The following MBTD1 variants were observed in gnomAD, a reference collection of about 807,000 sequenced individuals.
The protein encoded by MBTD1 is mbt domain containing 1.
In MBTD1, 24 loss-of-function variants were observed where a neutral mutation model predicts 87.8. The observed-to-expected ratio is 0.27, with a 90% CI of 0.20 to 0.38. The LOEUF (loss-of-function observed/expected upper bound fraction) is 0.38, where lower values mean the gene tolerates loss of function less well. MBTD1 is among the 10% of genes least tolerant of loss of function. The probability of loss-of-function intolerance (pLI) is 1.00; values close to 1 mark genes in which losing one functional copy is unlikely to be tolerated. For synonymous variants in MBTD1, 237 were observed against 248.6 expected (o/e 0.95, Z 0.44); for missense variants, 436 against 760.2 (o/e 0.57, Z 5.02).
chr17:51,256,993 C>T (rs2055128158), intron 2 of MBTD1, among the ~76,000 whole-genome samples: 1 of 152,088 alleles, frequency 6.6e-6, no homozygotes, highest in African/African-American at 2.4e-5. Flanking sequence ...TCCTTTTCAC[C>T]TTTTATTGTG....
chr17:51,244,609 T>C (rs2144085065), intron 2 of MBTD1, among the ~76,000 whole-genome samples: 1 of 152,294 alleles, frequency 6.6e-6, no homozygotes, highest in Non-Finnish European at 1.5e-5. Flanking sequence ...GGTTTCACCA[T>C]ATTGACCAGG....
chr17:51,226,333 T>C (rs984314237), intron 2 of MBTD1, among the ~76,000 whole-genome samples: 3 of 151,158 alleles, frequency 2.0e-5, no homozygotes, highest in African/African-American at 7.3e-5. Context: ...CTGGGCAACA[T>C]GACGAAACCC....
chr17:51,252,661 G>C (rs1482023372), intron 2 of MBTD1, among the ~76,000 whole-genome samples: 1 of 151,938 alleles, frequency 6.6e-6, no homozygotes, highest in Non-Finnish European at 1.5e-5. Context: ...TTGAACCCGG[G>C]AGGCGAAGGT....
rs879189058 is a variant in MBTD1, at chr17:51,195,344, G to A, written c.1242C>T (p.Phe414=). Residue 414 remains phenylalanine, a synonymous_variant, in exon 13 of 17, where the codon TTC becomes TTT. Coordinates refer to ENST00000586178, the MANE Select transcript of MBTD1 (RefSeq NM_017643.3). ...CTGAGCCATCGATCCCAATCATCAG[G>A]AATCCGTCAGCTAGCACCTTTTCAA... is the stretch of plus-strand genomic sequence containing the variant. ...ATIRKVLADG[F]LMIGIDGSEA... is the part of the protein sequence containing the mutation. 1 of 1,606,772 alleles carries A rather than the reference G, an allele frequency of 6.2e-7. No homozygotes were observed.
At chr17:51,260,238 A>C, upstream of MBTD1, 1 of 439,166 alleles carries the variant, frequency 2.3e-6, no homozygotes, top group Non-Finnish European at 4.0e-6. Context: ...TACAGCCAAG[A>C]GGAAAAGCAG....
intron 2 of MBTD1, among the ~76,000 whole-genome samples, chr17:51,229,860 C>G (rs577635447): frequency 3.3e-5 from 5 of 152,142 alleles, no homozygotes; most frequent in Non-Finnish European, 7.4e-5. Flanking sequence ...TGGGATTTCA[C>G]CTCGTTAACC....
intron 13 of MBTD1, among the ~76,000 whole-genome samples, chr17:51,194,723 C>T (rs1172601390): frequency 7.3e-6 from 1 of 136,810 alleles, no homozygotes; most frequent in Admixed American, 7.7e-5. Flanking sequence ...TCTGTACATA[C>T]AAAGAAAAAA....
intron 12 of MBTD1, among the ~76,000 whole-genome samples, chr17:51,195,801 T>C (rs573111332): frequency 1.3e-5 from 2 of 152,360 alleles, no homozygotes; most frequent in African/African-American, 4.8e-5. Flanking sequence ...ACTTGATCTC[T>C]TTTATGCTAC....
upstream of MBTD1, chr17:51,260,548 T>A: frequency 1.3e-6 from 2 of 1,588,330 alleles, no homozygotes. Flanking sequence ...GCAGCGAGGT[T>A]CCACGTGAGC....
intron 2 of MBTD1, among the ~76,000 whole-genome samples, chr17:51,231,992 A>G (rs1183821088): frequency 6.6e-6 from 1 of 152,144 alleles, no homozygotes; most frequent in Admixed American, 6.6e-5. Flanking sequence ...AAACTCCTAC[A>G]TTAGACCAAA....
intron 5 of MBTD1, among the ~76,000 whole-genome samples, chr17:51,217,950 C>T (rs184724834): frequency 7.2e-4 from 109 of 152,232 alleles, no homozygotes; most frequent in Admixed American, 1.4e-3. Flanking sequence ...AAGTGAGGTA[C>T]AAGCTCTTTG....
chr17:51,225,408 C>A (rs1224544998), intron 2 of MBTD1, among the ~76,000 whole-genome samples, 199 bp from the exon 3 acceptor site: 3 of 151,618 alleles, frequency 2.0e-5, no homozygotes, highest in Admixed American at 6.6e-5. Context: ...GGCTGGAGTG[C>A]AGTGACAATC....
Position 51,180,625 on chromosome 17 carries a change from T to C in MBTD1, c.1838A>G (p.Asp613Gly). 1 of 1,551,838 alleles carries C rather than the reference T, an allele frequency of 6.4e-7. No homozygotes were observed. The change falls in exon 17 of 17, where the codon GAT becomes GGT. Residue 613 changes from aspartate to glycine, a missense_variant. Physicochemically the swap from Asp to Gly is moderately conservative, Grantham distance 94. Coordinates refer to ENST00000586178, the MANE Select transcript of MBTD1 (RefSeq NM_017643.3). ...GTTGGCAGAGCCATTGCTTTCCTGA[T>C]CAGACGCTCCTTGAAGGAAATTATA... ...EDYNFLQGAS[D>G]QESNGSANFY... is the part of the protein sequence containing the mutation.
At chr17:51,222,191 C>T (rs1330607391) in intron 3 of MBTD1, among the ~76,000 whole-genome samples, 1 of 152,182 alleles carries the variant, frequency 6.6e-6, no homozygotes, top group African/African-American at 2.4e-5. Context: ...CATCTGCTAT[C>T]TCCAGTATTT....
intron 2 of MBTD1, among the ~76,000 whole-genome samples, chr17:51,226,503 A>AAAAAT (rs1170674186): frequency 2.6e-5 from 4 of 151,886 alleles, no homozygotes; most frequent in Admixed American, 6.6e-5. Flanking sequence ...ACCATGTCTC[A>AAAAAT]AAAATAAAAT....
chr17:51,184,103 A>T (rs2050432927), intron 16 of MBTD1: 1 of 152,260 alleles, frequency 6.6e-6, no homozygotes, highest in South Asian at 2.1e-4. Context: ...TGCTAAAAAA[A>T]GTCACTCAAG....
intron 6 of MBTD1, among the ~76,000 whole-genome samples, chr17:51,212,893 AT>A (rs1177397855): frequency 6.6e-6 from 1 of 151,778 alleles, no homozygotes; most frequent in Non-Finnish European, 1.5e-5. Context: ...AGTCTAGCTA[AT>A]TTTTTTTCTA....
intron 2 of MBTD1, among the ~76,000 whole-genome samples, chr17:51,245,755 G>T (rs2144105193): frequency 6.6e-6 from 1 of 151,984 alleles, no homozygotes; most frequent in East Asian, 1.9e-4. Context: ...AATCATCAAG[G>T]GTTTGGAATG....
chr17:51,190,740 A>T (rs1316902805), intron 16 of MBTD1, among the ~76,000 whole-genome samples: 6 of 117,736 alleles, frequency 5.1e-5, no homozygotes, highest in African/African-American at 1.2e-4. Context: ...AAAAAAAAAA[A>T]AAAAAAAAAA....
Sources: allele counts gnomAD v4.1 joint callset (sites outside exome capture counted in the v4.1 genomes callset), GRCh38; gene constraint gnomAD v4.1.1; transcripts MANE v1.5; gene names NCBI Gene and HGNC (gene_info 2026-07-23, HGNC 2026-07-21).